The following NUP160 variants were observed in gnomAD, a reference collection of about 807,000 sequenced individuals.
NUP160 encodes nucleoporin 160.
NUP160 carries 94 observed loss-of-function variants against 196.9 expected under a neutral mutation model. That is an observed-to-expected ratio of 0.48 (90% CI 0.40 to 0.57). The LOEUF is 0.57. NUP160 is among the 20% of genes least tolerant of loss of function. NUP160 has a pLI of 0.00. For missense variants in NUP160, 1,638 were observed against 1,748.3 expected, an observed-to-expected ratio of 0.94 and a Z score of 1.13; for synonymous variants, 605 against 619.7, an observed-to-expected ratio of 0.98 and a Z score of 0.35.
At chr11:47,841,660 A>C (rs1056541108) in intron 2 of NUP160, 1 of 367,970 alleles carries the variant, frequency 2.7e-6, no homozygotes, top group Non-Finnish European at 5.4e-6. Context: ...GAGGGCTCTA[A>C]GGAGCATGTA....
In NUP160 at chr11:47,825,521, C is replaced by T. The variant is rs937552943; in HGVS notation, c.1102-3357G>A. On this transcript the variant is annotated intron_variant, in intron 7 of 35. Transcript: ENST00000378460. ...AGGCTGGAGTGCAGTGGTACGATCT[C>T]GGCTCACTGCAACCTCTGCCTCCTG... 1.3e-4 allele frequency among the ~76,000 whole-genome samples: 20 copies of T among 149,946 alleles called. 1 individual carries two copies. Among genetic ancestry groups the T allele is most frequent in the Admixed American group, 7.4e-4 (11 of 14,944 alleles).
intron 35 of NUP160, 109 bp downstream of exon 35, chr11:47,780,223 AGGGCCAAAAAT>A: frequency 1.4e-6 from 1 of 690,732 alleles, no homozygotes; most frequent in South Asian, 1.7e-5. Context: ...CAGTTTGTTA[AGGGCCAAAAAT>A]AGGCTTTTGT....
At chr11:47,788,190 A>T (rs937175262) in exon 31 of NUP160, 7 of 1,612,032 alleles carry the variant, frequency 4.3e-6, no homozygotes, top group Non-Finnish European at 5.9e-6. Flanking sequence ...ACTTGAAGGC[A>T]AGCCCTTCAA....
intron 17 of NUP160, among the ~76,000 whole-genome samples, chr11:47,809,625 G>C (rs2097679878): frequency 6.7e-6 from 1 of 148,978 alleles, no homozygotes; most frequent in Admixed American, 6.9e-5. Flanking sequence ...GTGCGCATCT[G>C]TAATCCCAGC....
exon 2 of NUP160, chr11:47,847,894 C>T (rs755047180): frequency 6.2e-7 from 1 of 1,614,170 alleles, no homozygotes; most frequent in South Asian, 1.1e-5. Context: ...TTGCCACTCT[C>T]CACGTAGTAA....
At chr11:47,789,475 TA>T (rs145952120) in intron 29 of NUP160, among the ~76,000 whole-genome samples, 1 of 150,668 alleles carries the variant, frequency 6.6e-6, no homozygotes, top group Non-Finnish European at 1.5e-5. Flanking sequence ...AAGAACTTGA[TA>T]AAAAAAAAGC....
At chr11:47,791,306 C>T (rs533485925) in intron 29 of NUP160, among the ~76,000 whole-genome samples, 90 of 152,304 alleles carry the variant, frequency 5.9e-4, no homozygotes, top group South Asian at 1.2e-3. Flanking sequence ...GGGAGCACTT[C>T]CAGCGTCACT....
chr11:47,836,610 C>A lies in NUP160; in HGVS notation c.942+277G>T, dbSNP rs371323506. 1.2e-4 allele frequency among the ~76,000 whole-genome samples: 18 copies of A among 151,814 alleles called. No individual in the cohort carries two copies. In the East Asian group the frequency reaches 3.1e-3, roughly 26 times the overall value. On this transcript the variant is annotated intron_variant, in intron 6 of 35. Coordinates refer to ENST00000378460, the Ensembl canonical transcript of NUP160. ...CCTGGGTGACAAAGTGAGACTGTTT[C>A]AAAAAATTAAAAAATTTAAAAAAAA...
intron 4 of NUP160, 85 bp from the exon 5 acceptor site, chr11:47,837,708 A>G: frequency 1.0e-6 from 1 of 974,236 alleles, no homozygotes; most frequent in South Asian, 1.3e-5. Context: ...AGGTCTTTAT[A>G]ATAGGCAACA....
Position 47,780,399 on chromosome 11 carries a change from T to C in NUP160, c.4165A>G (p.Ile1389Val), listed in dbSNP as rs62000434. ...CCCAGAGCTTGGAGAAGCTGATCAATAGAGGAGTATGGAAGCCACACCATT... is the reference window on the plus strand; with the variant it reads ...CCCAGAGCTTGGAGAAGCTGATCAACAGAGGAGTATGGAAGCCACACCATT... The change falls in exon 35 of 36, where the codon ATT becomes GTT. Residue 1389 changes from isoleucine (I) to valine (V), a missense_variant. Coordinates refer to ENST00000378460, the Ensembl canonical transcript of NUP160. The C allele has an allele frequency of 1.1e-5, 17 of 1,613,792 alleles. No homozygotes were observed. The Admixed American group carries it at 1.5e-4, about 14-fold the overall frequency.
rs11039408 is a variant in NUP160, at chr11:47,809,084, G to A, written c.2242-555C>T. Among the ~76,000 whole-genome samples the A allele has an allele frequency of 5.6e-3, 850 of 151,468 alleles. 11 individuals are homozygous for A. The highest frequency in any genetic ancestry group is 0.02 in the African/African-American group (816 of 41,166). On this transcript the variant is annotated intron_variant, in intron 17 of 35. Transcript: ENST00000378460. ...CCACTGCACTCCAGCCTGGGTGACA[G>A]AGCAAGACTCCGTCTTAAAAAAGAA...
intron 31 of NUP160, 112 bp downstream of exon 31, chr11:47,788,070 C>G: frequency 1.1e-6 from 1 of 942,320 alleles, no homozygotes; most frequent in South Asian, 1.7e-5. Flanking sequence ...AACACTTCTT[C>G]AAATCATAAA....
At chr11:47,804,588 T>G in exon 21 of NUP160, 1 of 1,533,696 alleles carries the variant, frequency 6.5e-7, no homozygotes, top group Non-Finnish European at 8.7e-7. Flanking sequence ...TCAAACATTC[T>G]AGAAAGAGAC....
At chr11:47,818,840 C>A (rs762167896) in intron 10 of NUP160, among the ~76,000 whole-genome samples, 4 of 152,078 alleles carry the variant, frequency 2.6e-5, no homozygotes, top group Non-Finnish European at 5.9e-5. Context: ...AAATAACTAC[C>A]ACCAATAAAC....
At chr11:47,793,239 C>G (rs938313243) in intron 27 of NUP160, among the ~76,000 whole-genome samples, 1 of 152,154 alleles carries the variant, frequency 6.6e-6, no homozygotes, top group Non-Finnish European at 1.5e-5. Flanking sequence ...CCCACCTCAG[C>G]CTCCCAAAGT....
chr11:47,807,885 T>C (rs1565195891), intron 18 of NUP160, among the ~76,000 whole-genome samples: 1 of 152,242 alleles, frequency 6.6e-6, no homozygotes, highest in Non-Finnish European at 1.5e-5. Flanking sequence ...TGATTACATG[T>C]GACTTATTTT....
At chr11:47,779,001 T>C (rs760307839) in exon 36 of NUP160, 81 of 773,028 alleles carry the variant, frequency 1.0e-4, no homozygotes, top group Non-Finnish European at 1.2e-4. Context: ...GTTGTACACA[T>C]CATTTACAGT....
rs552750378 is a variant in NUP160, at chr11:47,812,660, G to A, written c.1952+222C>T. Reference sequence around the variant, plus strand: ...ACACTTTTGCTTTTTAGAATTTTTAGCTCGGTTAATTGTTAAAGCATATTT... The same window carrying A: ...ACACTTTTGCTTTTTAGAATTTTTAACTCGGTTAATTGTTAAAGCATATTT... On this transcript the variant is annotated intron_variant, in intron 15 of 35. Coordinates refer to ENST00000378460, the Ensembl canonical transcript of NUP160. 3.3e-5 allele frequency among the ~76,000 whole-genome samples: 5 copies of A among 152,224 alleles called. No homozygotes were observed. In the South Asian group the frequency reaches 8.3e-4, roughly 25 times the overall value.
intron 7 of NUP160, among the ~76,000 whole-genome samples, chr11:47,825,960 C>CA (rs1048382566): frequency 6.6e-6 from 1 of 150,652 alleles, no homozygotes; most frequent in Non-Finnish European, 1.5e-5. Flanking sequence ...CAGCTGTTCA[C>CA]AAAAAAGTAT....
Sources: allele counts gnomAD v4.1 joint callset (sites outside exome capture counted in the v4.1 genomes callset), GRCh38; gene constraint gnomAD v4.1.1; transcripts MANE v1.5; gene names NCBI Gene and HGNC (gene_info 2026-07-23, HGNC 2026-07-21).